The following RAB4A variants were observed in gnomAD, a reference collection of about 807,000 sequenced individuals.
RAB4A encodes ras-related protein Rab-4A.
A neutral mutation model predicts 34.5 loss-of-function variants in RAB4A; 20 were observed. That is an observed-to-expected ratio of 0.58 (90% CI 0.41 to 0.84). The LOEUF is 0.84. Ranked by LOEUF, RAB4A falls within the 40% of genes least tolerant of loss-of-function variation. The pLI is 0.00. For missense variants in RAB4A, 228 were observed against 274.5 expected, an observed-to-expected ratio of 0.83 and a Z score of 1.20; for synonymous variants, 102 against 100.0, an observed-to-expected ratio of 1.02 and a Z score of -0.12.
At chr1:229,295,743 C>G in intron 3 of RAB4A, 105 bp from the exon 4 acceptor site, 1 of 991,428 alleles carries the variant, frequency 1.0e-6, no homozygotes, top group Non-Finnish European at 1.6e-6. Flanking sequence ...GTGTCTGTCC[C>G]TGTGTTGTGG....
chr1:229,285,632 G>A (rs183144314), intron 1 of RAB4A, among the ~76,000 whole-genome samples: 1 of 152,230 alleles, frequency 6.6e-6, no homozygotes, highest in Non-Finnish European at 1.5e-5. Context: ...TAGCAGTGGT[G>A]GGTCAGGAGC....
rs1656458769 is a variant in RAB4A at position 229,271,235 on chromosome 1, TC to T, written c.-102del. The T allele has an allele frequency of 3.5e-6, 4 of 1,135,030 alleles. No homozygotes were observed. The highest frequency in any genetic ancestry group is 3.4e-4 in the Middle Eastern group (1 of 2,960). The allele number at this position is 1,135,030 out of a possible 1,614,324, so 70.3% of individuals were successfully genotyped here. On this transcript the variant is annotated 5_prime_UTR_variant, in exon 1 of 8. Transcript: ENST00000366690. ...TTGCCGTGGGGACCGGTCGGGCCCC[TC>T]CCTCCTCCGGTCCCCCGCCCCAGGT...
intron 6 of RAB4A, among the ~76,000 whole-genome samples, chr1:229,301,767 G>A (rs1357449999): frequency 2.0e-5 from 3 of 151,956 alleles, no homozygotes; most frequent in South Asian, 2.1e-4. Flanking sequence ...TATATAAAAT[G>A]TATCATATGA....
chr1:229,278,675 C>T (rs1190368642), intron 1 of RAB4A, among the ~76,000 whole-genome samples: 1 of 152,238 alleles, frequency 6.6e-6, no homozygotes, highest in African/African-American at 2.4e-5. Context: ...TTTTCCCTTT[C>T]CACTGGTAGC....
At chr1:229,303,014 T>G in intron 7 of RAB4A, 25 bp downstream of exon 7, 1 of 1,521,590 alleles carries the variant, frequency 6.6e-7, no homozygotes, top group Non-Finnish European at 9.1e-7. Flanking sequence ...CTCCCTGCCC[T>G]GAGTTCCTGG....
intron 1 of RAB4A, among the ~76,000 whole-genome samples, chr1:229,280,127 A>G (rs955249652): frequency 6.6e-6 from 1 of 152,150 alleles, no homozygotes; most frequent in Non-Finnish European, 1.5e-5. Context: ...AAAAGAAAAA[A>G]CCACAGATTA....
At chr1:229,280,038 G>A (rs10489645) in intron 1 of RAB4A, among the ~76,000 whole-genome samples, 2,994 of 152,148 alleles carry the variant, frequency 0.02, 102 homozygotes, top group African/African-American at 0.068. Flanking sequence ...CCTTTCTGTA[G>A]TTGTTAAGCA....
intron 1 of RAB4A, among the ~76,000 whole-genome samples, chr1:229,280,119 A>G (rs1028551788): frequency 6.6e-6 from 1 of 152,224 alleles, no homozygotes; most frequent in Non-Finnish European, 1.5e-5. Flanking sequence ...AGCAAGGAAA[A>G]AGAAAAAACC....
intron 1 of RAB4A, among the ~76,000 whole-genome samples, chr1:229,271,802 T>G (rs1268481277): frequency 6.6e-6 from 1 of 152,236 alleles, no homozygotes; most frequent in Non-Finnish European, 1.5e-5. Context: ...CAGTTTGACC[T>G]TTCCTGGTTT....
chr1:229,301,802 A>G (rs1208925926), intron 6 of RAB4A, among the ~76,000 whole-genome samples: 2 of 152,052 alleles, frequency 1.3e-5, no homozygotes, highest in African/African-American at 4.8e-5. Context: ...TTGCTTTTTT[A>G]CTTACTATTG....
intron 1 of RAB4A, among the ~76,000 whole-genome samples, chr1:229,272,150 G>C (rs1224987246): frequency 6.6e-6 from 1 of 150,906 alleles, no homozygotes; most frequent in African/African-American, 2.4e-5. Flanking sequence ...TTGGCCTTGC[G>C]TGGTAAGAAT....
At chr1:229,279,884 G>A (rs1267161985) in intron 1 of RAB4A, among the ~76,000 whole-genome samples, 2 of 152,168 alleles carry the variant, frequency 1.3e-5, no homozygotes, top group African/African-American at 2.4e-5. Flanking sequence ...GAGCCCTCAA[G>A]TTAACGTTCA....
At chr1:229,302,295 A>ATTTTT (rs1657423341) in intron 6 of RAB4A, among the ~76,000 whole-genome samples, 1 of 25,200 alleles carries the variant, frequency 4.0e-5, no homozygotes, top group African/African-American at 2.0e-4. Flanking sequence ...ATATATATAT[A>ATTTTT]TATATATATA....
chr1:229,297,254 G>C (rs374461955), intron 4 of RAB4A, among the ~76,000 whole-genome samples: 1 of 152,184 alleles, frequency 6.6e-6, no homozygotes. Context: ...CTGGGCAAAC[G>C]AAAAATAACA....
rs548343223 is a variant in RAB4A, at chr1:229,303,992, G to A, written c.*199G>A. 5 of 152,214 alleles carry A rather than the reference G, an allele frequency of 3.3e-5. No homozygotes were observed. The highest frequency in any genetic ancestry group is 4.1e-4 in the South Asian group (2 of 4,824). The allele number at this position is 152,214 out of a possible 1,614,324, so 9.4% of individuals were successfully genotyped here. On this transcript the variant is annotated 3_prime_UTR_variant, in exon 8 of 8. Transcript: ENST00000366690. ...TAAATCGAATTAAATGGACAACACC[G>A]TTAGATGTGTATGTAAAAATTTTCT...
chr1:229,305,315 G>T lies in RAB4A; in HGVS notation c.*1522G>T. On this transcript the variant is annotated 3_prime_UTR_variant, in exon 8 of 8. Coordinates refer to ENST00000366690, the MANE Select transcript of RAB4A (RefSeq NM_004578.4). The stretch of plus-strand genomic sequence containing the variant: ...CTCATTTATGATAGATTTGCAAGCT[G>T]CTCATTTTTGAACAGCTTTTTGCAT... 1 of 1,576,594 alleles carries T rather than the reference G, an allele frequency of 6.3e-7. No individual in the cohort carries two copies. The highest frequency in any genetic ancestry group is 8.6e-7 in the Non-Finnish European group (1 of 1,164,738).
At chr1:229,279,987 T>C (rs1656742824) in intron 1 of RAB4A, among the ~76,000 whole-genome samples, 1 of 152,252 alleles carries the variant, frequency 6.6e-6, no homozygotes, top group East Asian at 1.9e-4. Flanking sequence ...TTGCCTTCAT[T>C]AATTACTCTG....
At chr1:229,273,530 A>G (rs1571818481) in intron 1 of RAB4A, among the ~76,000 whole-genome samples, 1 of 152,238 alleles carries the variant, frequency 6.6e-6, no homozygotes, top group East Asian at 1.9e-4. Flanking sequence ...ACTTGAGCTC[A>G]GGAGTTCAAT....
In RAB4A at chr1:229,305,500, C is replaced by G. The variant is rs772709896; in HGVS notation, c.*1707C>G. The G allele has an allele frequency of 5.0e-5, 22 of 436,958 alleles. No individual in the cohort carries two copies. The highest frequency in any genetic ancestry group is 8.9e-5 in the Non-Finnish European group (22 of 246,600). The allele number at this position is 436,958 out of a possible 1,614,324, so 27.1% of individuals were successfully genotyped here. A position where few individuals can be genotyped will look rare whatever the true frequency, so the allele number is the denominator to read the frequency against. On this transcript the variant is annotated 3_prime_UTR_variant, in exon 8 of 8. Coordinates refer to ENST00000366690, the MANE Select transcript of RAB4A (RefSeq NM_004578.4). ...TTGGCCAATAAAAGTTGCTGGAGAA[C>G]CAAACCATGGTGGTTCTTAATCAGG... is the stretch of plus-strand genomic sequence containing the variant.
Sources: gnomAD v4.1 joint callset for allele counts (sites outside exome capture counted in the v4.1 genomes callset) on GRCh38, gnomAD v4.1.1 for gene constraint, MANE v1.5 for transcripts, NCBI Gene and HGNC (gene_info 2026-07-23, HGNC 2026-07-21) for gene names.